Variants in TMEM132D observed in about 807,000 individuals in gnomAD.
TMEM132D encodes the protein mature OL transmembrane protein.
TMEM132D carries 21 observed loss-of-function variants against 62.3 expected under a neutral mutation model. That is an observed-to-expected ratio of 0.34 (90% CI 0.24 to 0.49). The LOEUF is 0.49. TMEM132D is among the 20% of genes least tolerant of loss of function. The pLI, the probability that TMEM132D is intolerant of heterozygous loss-of-function variation, is 0.99. For synonymous variants in TMEM132D, 621 were observed against 575.6 expected, an observed-to-expected ratio of 1.08 and a Z score of -1.13; for missense variants, 1,346 against 1,402.8, an observed-to-expected ratio of 0.96 and a Z score of 0.65.
intron 5 of TMEM132D, among the ~76,000 whole-genome samples, chr12:129,092,156 T>C (rs1165294766): frequency 6.6e-6 from 1 of 152,258 alleles, no homozygotes; most frequent in Non-Finnish European, 1.5e-5. Context: ...ATAGTTAATA[T>C]TTCTGACTCT....
chr12:129,612,082 C>T (rs944117862), intron 2 of TMEM132D, among the ~76,000 whole-genome samples: 5 of 152,150 alleles, frequency 3.3e-5, no homozygotes, highest in Non-Finnish European at 7.3e-5. Context: ...GGACCAAGGA[C>T]AGAAGAAGGA....
chr12:129,170,201 T>A (rs892534988), intron 5 of TMEM132D: 1 of 152,206 alleles, frequency 6.6e-6, no homozygotes, highest in Non-Finnish European at 1.5e-5. Context: ...TCTTACCATA[T>A]GCAAACTGTG....
At chr12:129,756,219 C>CCCT (rs1870164150) in intron 1 of TMEM132D, among the ~76,000 whole-genome samples, 1 of 151,952 alleles carries the variant, frequency 6.6e-6, no homozygotes, top group Non-Finnish European at 1.5e-5. Flanking sequence ...AGACATTGTG[C>CCCT]CTAGAGTTCA....
At chr12:129,545,272 G>T (rs1316270286) in intron 2 of TMEM132D, among the ~76,000 whole-genome samples, 1 of 152,154 alleles carries the variant, frequency 6.6e-6, no homozygotes, top group Admixed American at 6.5e-5. Context: ...AGTCCTACTG[G>T]CATTGGGGCC....
In TMEM132D at chr12:129,566,962, G is replaced by A. The variant is rs576313816; in HGVS notation, c.969-35757C>T. Among the ~76,000 whole-genome samples, 46 of 152,226 alleles carry A rather than the reference G, an allele frequency of 3.0e-4. 3 individuals are homozygous for A. Among genetic ancestry groups the A allele is most frequent in the African/African-American group, 9.6e-4 (40 of 41,528 alleles). On this transcript the variant is annotated intron_variant, in intron 2 of 8. Coordinates refer to ENST00000422113, the MANE Select transcript of TMEM132D (RefSeq NM_133448.3). ...GGAAACTCCTGCTTCAAGTTGTTCCGCCTTTCCAGACCTAACCAATGTACA... is the reference window on the plus strand; with the variant it reads ...GGAAACTCCTGCTTCAAGTTGTTCCACCTTTCCAGACCTAACCAATGTACA...
chr12:129,077,612 TACAC>T (rs1053853997), intron 8 of TMEM132D, among the ~76,000 whole-genome samples: 1 of 150,940 alleles, frequency 6.6e-6, no homozygotes, highest in Non-Finnish European at 1.5e-5. Flanking sequence ...AACACAAGCA[TACAC>T]ACAACAGAAA....
At chr12:129,700,807 A>C (rs1192854860) in intron 1 of TMEM132D, 109 bp from the exon 2 acceptor site, 1 of 1,242,986 alleles carries the variant, frequency 8.0e-7, no homozygotes, top group Non-Finnish European at 1.1e-6. Flanking sequence ...TCTTCGCGCC[A>C]ATTATGCAAT....
Position 129,078,743 on chromosome 12 carries a change from C to CA in TMEM132D, c.1924-19dup. On this transcript the variant is annotated intron_variant, in intron 7 of 8. Coordinates refer to ENST00000422113, the MANE Select transcript of TMEM132D (RefSeq NM_133448.3). ...GACAGGATCTGGAGGGCAGAAGCGACATGACAAGGAAAGGCTTTCTGTGGT... is the reference window on the plus strand; with the variant it reads ...GACAGGATCTGGAGGGCAGAAGCGACAATGACAAGGAAAGGCTTTCTGTGGT... 6.2e-7 allele frequency: 1 copy of CA among 1,608,490 alleles called. No individual in the cohort carries two copies. Among genetic ancestry groups the CA allele is most frequent in the Non-Finnish European group, 8.5e-7 (1 of 1,175,316 alleles).
chr12:129,392,342 G>A (rs1871310360), intron 3 of TMEM132D, among the ~76,000 whole-genome samples: 1 of 152,282 alleles, frequency 6.6e-6, no homozygotes, highest in South Asian at 2.1e-4. Context: ...ACAGGCATGA[G>A]CCACCGCCCC....
intron 2 of TMEM132D, among the ~76,000 whole-genome samples, chr12:129,648,608 G>A (rs964335735): frequency 5.9e-5 from 9 of 152,094 alleles, no homozygotes; most frequent in African/African-American, 9.7e-5. Flanking sequence ...CACATAGCCC[G>A]TGCATTAAAA....
intron 5 of TMEM132D, among the ~76,000 whole-genome samples, chr12:129,086,471 TC>T (rs1445226296): frequency 6.6e-6 from 1 of 152,130 alleles, no homozygotes; most frequent in East Asian, 1.9e-4. Context: ...TGTATTTAGC[TC>T]CCACTTATAA....
intron 2 of TMEM132D, among the ~76,000 whole-genome samples, chr12:129,686,587 A>G (rs1161284040): frequency 6.6e-6 from 1 of 152,172 alleles, no homozygotes; most frequent in Non-Finnish European, 1.5e-5. Flanking sequence ...AAGACTAAAC[A>G]TTCTAAAAAA....
At chr12:129,214,252 C>A (rs564100604) in intron 4 of TMEM132D, among the ~76,000 whole-genome samples, 92 of 143,820 alleles carry the variant, frequency 6.4e-4, no homozygotes, top group African/African-American at 2.3e-3. Flanking sequence ...GGATTGGAAC[C>A]AGAATTAGAG....
At chr12:129,308,825 C>A (rs2135633306) in intron 4 of TMEM132D, among the ~76,000 whole-genome samples, 2 of 152,234 alleles carry the variant, frequency 1.3e-5, no homozygotes, top group South Asian at 4.2e-4. Context: ...ATAAAAATGT[C>A]CTAGGTAAGA....
intron 8 of TMEM132D, among the ~76,000 whole-genome samples, chr12:129,077,794 G>A (rs1051095704): frequency 2.0e-5 from 3 of 147,104 alleles, no homozygotes; most frequent in Non-Finnish European, 4.6e-5. Flanking sequence ...GCATACAGGT[G>A]CCTATACAAC....
chr12:129,531,630 C>A (rs1472154), intron 2 of TMEM132D, among the ~76,000 whole-genome samples: 100,088 of 151,974 alleles, frequency 0.66, 33,316 homozygotes, highest in African/African-American at 0.75. Context: ...AGTGCCAGGC[C>A]CTGATGGACA....
At chr12:129,892,633 T>C (rs939118819) in intron 1 of TMEM132D, among the ~76,000 whole-genome samples, 2 of 152,156 alleles carry the variant, frequency 1.3e-5, no homozygotes, top group Non-Finnish European at 2.9e-5. Flanking sequence ...GTATTATTAC[T>C]TATTTCCTAA....
intron 1 of TMEM132D, among the ~76,000 whole-genome samples, chr12:129,843,249 TA>T (rs1056979724): frequency 3.9e-5 from 6 of 152,058 alleles, no homozygotes; most frequent in African/African-American, 1.4e-4. Flanking sequence ...AACATTTTAA[TA>T]AAAAAAGAAT....
intron 3 of TMEM132D, among the ~76,000 whole-genome samples, chr12:129,457,095 T>C (rs573057295): frequency 6.6e-6 from 1 of 151,940 alleles, no homozygotes; most frequent in African/African-American, 2.4e-5. Context: ...ACTGGGTATA[T>C]ACCCAAAGGA....
Sources: gnomAD v4.1 joint callset for allele counts (sites outside exome capture counted in the v4.1 genomes callset) on GRCh38, gnomAD v4.1.1 for gene constraint, MANE v1.5 for transcripts, NCBI Gene and HGNC (gene_info 2026-07-23, HGNC 2026-07-21) for gene names.